The following TMEM132C variants were observed in gnomAD, a reference collection of about 807,000 sequenced individuals.
The protein encoded by TMEM132C is protein phosphatase 1, regulatory subunit 152.
In TMEM132C, 29 loss-of-function variants were observed where a neutral mutation model predicts 61.4. The ratio of observed to expected loss-of-function variants is 0.47; its 90% CI spans 0.35 to 0.64. The LOEUF is 0.64. Among genes scored for constraint, TMEM132C ranks in the 30% least tolerant of loss-of-function variants. TMEM132C has a pLI of 0.00. For synonymous variants in TMEM132C, 656 were observed against 633.1 expected (o/e 1.04, Z -0.54); for missense variants, 1,408 against 1,476.9 (o/e 0.95, Z 0.76).
chr12:128,685,639 G>C lies in TMEM132C; in HGVS notation c.1450-8190G>C, dbSNP rs1005546364. On this transcript the variant is annotated intron_variant, in intron 5 of 8. Transcript: ENST00000435159. ...TTCATATTTTCCTGGCCAAAGCCAA[G>C]TCCAGCAACAATGGGGAGAGGAAGT... is the stretch of plus-strand genomic sequence containing the variant. Among the ~76,000 whole-genome samples the C allele has an allele frequency of 9.2e-5, 14 of 152,218 alleles. No homozygotes were observed. The East Asian group carries it at 2.7e-3, about 29-fold the overall frequency.
At chr12:128,588,449 A>G (rs1276344640) in intron 3 of TMEM132C, among the ~76,000 whole-genome samples, 1 of 152,046 alleles carries the variant, frequency 6.6e-6, no homozygotes, top group Admixed American at 6.6e-5. Context: ...ATTTTTAATT[A>G]AAAAAAATCT....
At chr12:128,421,784 AAAAT>A (rs1224934165) in intron 2 of TMEM132C, among the ~76,000 whole-genome samples, 5 of 152,234 alleles carry the variant, frequency 3.3e-5, no homozygotes, top group Admixed American at 2.0e-4. Flanking sequence ...TAAAAAATAA[AAAAT>A]AAAATAATTA....
chr12:128,390,136 G>A (rs1031143521), intron 1 of TMEM132C, among the ~76,000 whole-genome samples: 3 of 152,150 alleles, frequency 2.0e-5, no homozygotes, highest in South Asian at 2.1e-4. Flanking sequence ...CTCCCAAAGC[G>A]CTGGGATTAC....
intron 1 of TMEM132C, among the ~76,000 whole-genome samples, chr12:128,318,038 G>A (rs1451385993): frequency 1.3e-5 from 2 of 152,178 alleles, no homozygotes; most frequent in Admixed American, 6.5e-5. Context: ...AGTTAGTTTA[G>A]ACAAGAAGTG....
chr12:128,415,577 G>A lies in TMEM132C; in HGVS notation c.931G>A (p.Val311Ile), dbSNP rs182940355. The A allele has an allele frequency of 5.9e-5, 92 of 1,549,034 alleles. No homozygotes were observed. The highest frequency in any genetic ancestry group is 7.8e-5 in the Non-Finnish European group (89 of 1,145,786). Residue 311 changes from valine to isoleucine, a missense_variant, in exon 2 of 9, where the codon GTC becomes ATC. By Grantham distance (29) the Val-to-Ile change is conservative. Transcript: ENST00000435159. This position sits in a 1 kb window ranked among gnomAD's most constrained non-coding sequence, Gnocchi z 5.8. The part of the protein sequence containing the change: ...VKQGEVVTAY[V>I]TISSNSSVDL... Reference sequence around the variant, plus strand: ...GCAGGGAGAGGTGGTCACGGCCTATGTCACCATCTCGAGCAATTCCTCTGT... The same window carrying A: ...GCAGGGAGAGGTGGTCACGGCCTATATCACCATCTCGAGCAATTCCTCTGT...
At chr12:128,585,035 A>G (rs1377332202) in intron 3 of TMEM132C, among the ~76,000 whole-genome samples, 1 of 152,226 alleles carries the variant, frequency 6.6e-6, no homozygotes, top group African/African-American at 2.4e-5. Context: ...GAAAGGCTTG[A>G]GTCCAGGAGG....
At chr12:128,525,661 CG>C (rs1873062844) in intron 2 of TMEM132C, among the ~76,000 whole-genome samples, 1 of 152,144 alleles carries the variant, frequency 6.6e-6, no homozygotes, top group African/African-American at 2.4e-5. Context: ...TAGAACCCAT[CG>C]GCCTTACCCC....
chr12:128,500,225 A>G (rs978777358), intron 2 of TMEM132C, among the ~76,000 whole-genome samples: 1 of 152,246 alleles, frequency 6.6e-6, no homozygotes, highest in Non-Finnish European at 1.5e-5. Context: ...TACTTGGAAG[A>G]GCTAAAACTT....
chr12:128,278,396 T>A lies in TMEM132C; in HGVS notation c.85+10909T>A, dbSNP rs1160702012. Among the ~76,000 whole-genome samples, 1 of 152,188 alleles carries A rather than the reference T, an allele frequency of 6.6e-6. No individual in the cohort carries two copies. The highest frequency in any genetic ancestry group is 1.5e-5 in the Non-Finnish European group (1 of 68,028). On this transcript the variant is annotated intron_variant, in intron 1 of 8. Transcript: ENST00000435159. This position sits in a 1 kb window ranked among gnomAD's most constrained non-coding sequence, Gnocchi z 4.2. ...CTCATTTGCCTTCAAACTCAGTGTT[T>A]TCATCTGTCGTGTTCATATCCTATT...
chr12:128,529,937 G>A (rs1435245870), intron 2 of TMEM132C, among the ~76,000 whole-genome samples: 1 of 152,136 alleles, frequency 6.6e-6, no homozygotes, highest in East Asian at 1.9e-4. Context: ...AATTTTGTTA[G>A]GCACGATAAT....
intron 1 of TMEM132C, among the ~76,000 whole-genome samples, chr12:128,401,119 G>A (rs549478513): frequency 6.6e-6 from 1 of 152,244 alleles, no homozygotes; most frequent in Non-Finnish European, 1.5e-5. Context: ...CACCTGTTTT[G>A]GTACAGGCTG....
At chr12:128,562,530 C>T (rs1874560040) in intron 3 of TMEM132C, among the ~76,000 whole-genome samples, 1 of 152,146 alleles carries the variant, frequency 6.6e-6, no homozygotes, top group African/African-American at 2.4e-5. Context: ...GTAAACTAGG[C>T]CGGCTAAATG....
At chr12:128,483,979 A>G (rs1274077664) in intron 2 of TMEM132C, among the ~76,000 whole-genome samples, 3 of 152,186 alleles carry the variant, frequency 2.0e-5, no homozygotes, top group Non-Finnish European at 4.4e-5. Context: ...TATTGTATCT[A>G]AACGGTAAAA....
chr12:128,457,001 T>G (rs1004880231), intron 2 of TMEM132C, among the ~76,000 whole-genome samples: 2 of 152,204 alleles, frequency 1.3e-5, no homozygotes, highest in African/African-American at 4.8e-5. Flanking sequence ...ATTCCTCTAT[T>G]GCAGAGCTCA....
intron 1 of TMEM132C, among the ~76,000 whole-genome samples, chr12:128,285,321 A>G (rs1871019257): frequency 1.3e-5 from 2 of 152,228 alleles, no homozygotes; most frequent in African/African-American, 4.8e-5. Flanking sequence ...CATTTATCAG[A>G]ATATCATATT....
chr12:128,277,510 G>T (rs1022898812), intron 1 of TMEM132C, among the ~76,000 whole-genome samples: 6 of 152,168 alleles, frequency 3.9e-5, no homozygotes, highest in Admixed American at 2.6e-4. Flanking sequence ...CACTTACTGC[G>T]GACTTAAGGG....
At chr12:128,301,915 A>G (rs969638218) in intron 1 of TMEM132C, among the ~76,000 whole-genome samples, 1 of 152,206 alleles carries the variant, frequency 6.6e-6, no homozygotes, top group East Asian at 1.9e-4. Context: ...GGCAGATGAG[A>G]GAAATGAGAG....
chr12:128,281,048 AG>A (rs1160606290), intron 1 of TMEM132C, among the ~76,000 whole-genome samples: 3 of 152,186 alleles, frequency 2.0e-5, no homozygotes, highest in African/African-American at 7.2e-5. Context: ...ACAGGAACAT[AG>A]AAGAGTCATG....
At chr12:128,333,775 T>A in intron 1 of TMEM132C, among the ~76,000 whole-genome samples, 1 of 151,462 alleles carries the variant, frequency 6.6e-6, no homozygotes, top group East Asian at 1.9e-4. Context: ...TTGTGGTATG[T>A]ATGGTGTATA....
Sources: gnomAD v4.1 joint callset for allele counts (sites outside exome capture counted in the v4.1 genomes callset) on GRCh38, gnomAD v4.1.1 for gene constraint, Gnocchi (gnomAD v3.1) non-coding constraint, MANE v1.5 for transcripts, NCBI Gene and HGNC (gene_info 2026-07-23, HGNC 2026-07-21) for gene names.